NFIA: variants seen among roughly 807,000 people sequenced by gnomAD.
The protein encoded by NFIA is nuclear factor I A.
NFIA carries 8 observed loss-of-function variants against 62.8 expected under a neutral mutation model. The ratio of observed to expected loss-of-function variants is 0.13; its 90% CI spans 0.07 to 0.23. The LOEUF (loss-of-function observed/expected upper bound fraction) is 0.23. Among genes scored for constraint, NFIA ranks in the 10% least tolerant of loss-of-function variants. The probability of loss-of-function intolerance (pLI) is 1.00; values close to 1 mark genes in which losing one functional copy is unlikely to be tolerated. For missense variants in NFIA, 410 were observed against 642.1 expected, an observed-to-expected ratio of 0.64 and a Z score of 3.91; for synonymous variants, 235 against 238.1, an observed-to-expected ratio of 0.99 and a Z score of 0.12.
chr1:61,330,459 A>G (rs1377744700), intron 3 of NFIA, among the ~76,000 whole-genome samples: 1 of 121,996 alleles, frequency 8.2e-6, no homozygotes, highest in Admixed American at 9.5e-5. Context: ...ACACACACAC[A>G]CGCACACATC....
intron 2 of NFIA, among the ~76,000 whole-genome samples, chr1:61,091,133 G>A (rs969237033): frequency 1.3e-5 from 2 of 152,120 alleles, no homozygotes; most frequent in African/African-American, 2.4e-5. Flanking sequence ...CCTATAATGC[G>A]TTTTTTCTCG....
chr1:61,376,540 G>C (rs1479096299), intron 6 of NFIA, among the ~76,000 whole-genome samples: 1 of 152,086 alleles, frequency 6.6e-6, no homozygotes, highest in Non-Finnish European at 1.5e-5. Flanking sequence ...AATCTTAACT[G>C]ATCCTTACTA....
At position 61,387,468 on chromosome 1, in the gene NFIA, C is replaced by CTTTTT. The variant is rs33965994; in HGVS notation, c.1075+4122_1075+4126dup. Reference sequence around the variant, plus strand: ...TCCCCCAGATCAGCTCAAGCACTTTCTTTTTTTTTTTTTTTTTTTTTTTGA... The same window carrying CTTTTT: ...TCCCCCAGATCAGCTCAAGCACTTTCTTTTTTTTTTTTTTTTTTTTTTTTTTTTGA... On this transcript the variant is annotated intron_variant, in intron 7 of 10. Coordinates refer to ENST00000403491, the MANE Select transcript of NFIA (RefSeq NM_001134673.4). Among the ~76,000 whole-genome samples the CTTTTT allele has an allele frequency of 9.0e-3, 857 of 95,278 alleles. 22 individuals are homozygous for CTTTTT. The highest frequency in any genetic ancestry group is 0.027 in the African/African-American group (659 of 24,184). The allele number at this position is 95,278 out of a possible 152,430, so 62.5% of individuals were successfully genotyped here. A position where few individuals can be genotyped will look rare whatever the true frequency, so the allele number is the denominator to read the frequency against.
rs994822782 is a variant in NFIA at position 61,458,646 on chromosome 1, C to G, written c.*3326C>G. On this transcript the variant is annotated 3_prime_UTR_variant, in exon 11 of 11. Coordinates refer to ENST00000403491, the MANE Select transcript of NFIA (RefSeq NM_001134673.4). Reference sequence around the variant, plus strand: ...AATTGCTTTTCTTTCTTTTTACCCCCCCTTTGGGAACTGGATTTAAGTTTA... The same window carrying G: ...AATTGCTTTTCTTTCTTTTTACCCCGCCTTTGGGAACTGGATTTAAGTTTA... 6.6e-6 allele frequency: 1 copy of G among 150,954 alleles called. No individual in the cohort carries two copies. The highest frequency in any genetic ancestry group is 1.9e-4 in the East Asian group (1 of 5,178). The allele number at this position is 150,954 out of a possible 1,614,324, so 9.4% of individuals were successfully genotyped here.
chr1:61,412,371 A>C (rs1666141625), intron 9 of NFIA, among the ~76,000 whole-genome samples: 1 of 152,188 alleles, frequency 6.6e-6, no homozygotes, highest in African/African-American at 2.4e-5. Context: ...GCAATCTTCC[A>C]GGCAAGAGTT....
At chr1:61,081,908 C>T, upstream of NFIA, 1 of 1,547,960 alleles carries the variant, frequency 6.5e-7, no homozygotes, top group Non-Finnish European at 8.7e-7. Context: ...AAAAAAGTTA[C>T]CTAGGAGGTC....
upstream of NFIA, chr1:61,081,954 G>C (rs1305426504): frequency 6.4e-7 from 1 of 1,550,454 alleles, no homozygotes; most frequent in African/African-American, 1.4e-5. Context: ...ATGCAAATGT[G>C]CCGCCCGGCC....
intron 2 of NFIA, among the ~76,000 whole-genome samples, chr1:61,195,147 A>C (rs1213052458): frequency 6.6e-6 from 1 of 152,164 alleles, no homozygotes; most frequent in Non-Finnish European, 1.5e-5. Flanking sequence ...ATTCTTATTT[A>C]TTCGGCAGCA....
chr1:61,138,637 G>A (rs898558152), intron 2 of NFIA, among the ~76,000 whole-genome samples: 2 of 151,804 alleles, frequency 1.3e-5, no homozygotes, highest in East Asian at 4.0e-4. Flanking sequence ...CTGGAGTGCG[G>A]TGGTACAATC....
chr1:61,174,499 CT>C (rs1650190415), intron 2 of NFIA, among the ~76,000 whole-genome samples: 1 of 152,142 alleles, frequency 6.6e-6, no homozygotes. Flanking sequence ...TATACCACAC[CT>C]TTTAGAAGAA....
intron 3 of NFIA, among the ~76,000 whole-genome samples, chr1:61,328,365 C>T (rs1454377595): frequency 1.3e-5 from 2 of 151,826 alleles, no homozygotes; most frequent in Non-Finnish European, 2.9e-5. Flanking sequence ...CAAGACCTGC[C>T]CTGGCCACCC....
chr1:61,451,733 A>G (rs1026157044), intron 10 of NFIA, among the ~76,000 whole-genome samples: 2 of 152,242 alleles, frequency 1.3e-5, no homozygotes, highest in African/African-American at 4.8e-5. Context: ...AAATGTATCA[A>G]GATAACATCA....
At chr1:61,091,094 T>C (rs952083162) in intron 2 of NFIA, among the ~76,000 whole-genome samples, 1 of 152,236 alleles carries the variant, frequency 6.6e-6, no homozygotes, top group Non-Finnish European at 1.5e-5. Flanking sequence ...TGCTTCAAGA[T>C]ACATGCCAAA....
At chr1:61,432,672 T>C (rs1179620928) in intron 10 of NFIA, among the ~76,000 whole-genome samples, 1 of 151,964 alleles carries the variant, frequency 6.6e-6, no homozygotes, top group South Asian at 2.1e-4. Flanking sequence ...TACAGAGATA[T>C]ATATACACAT....
chr1:61,216,846 A>C (rs1653657619), intron 2 of NFIA, among the ~76,000 whole-genome samples: 1 of 151,718 alleles, frequency 6.6e-6, no homozygotes, highest in South Asian at 2.1e-4. Flanking sequence ...CTAAAACTAC[A>C]AAAATTGGCT....
intron 10 of NFIA, among the ~76,000 whole-genome samples, chr1:61,448,892 T>C (rs908207056): frequency 6.6e-6 from 1 of 152,194 alleles, no homozygotes; most frequent in Admixed American, 6.5e-5. Flanking sequence ...ATTCAGACTT[T>C]GGATGAACAG....
At chr1:61,407,214 G>T (rs892783771) in intron 9 of NFIA, among the ~76,000 whole-genome samples, 1 of 152,100 alleles carries the variant, frequency 6.6e-6, no homozygotes, top group Non-Finnish European at 1.5e-5. Context: ...CTGACCATTC[G>T]CTGAGAGTAA....
intron 2 of NFIA, among the ~76,000 whole-genome samples, chr1:61,265,008 G>A (rs77884495): frequency 1.5e-3 from 235 of 152,274 alleles, no homozygotes; most frequent in African/African-American, 5.3e-3. Flanking sequence ...CTACATAAGC[G>A]AATTCACGTG....
In NFIA at chr1:61,406,402, C is replaced by T. The variant is rs115362278; in HGVS notation, c.1255-160C>T. Among the ~76,000 whole-genome samples, 548 of 152,294 alleles carry T rather than the reference C, an allele frequency of 3.6e-3. 4 individuals carry two copies. Among genetic ancestry groups the T allele is most frequent in the African/African-American group, 0.013 (523 of 41,572 alleles). ...CTTAAGAACAGAACCCAACAATGGA[C>T]ATTTCCGTATGGGCTTATGGAAGAA... is the stretch of plus-strand genomic sequence containing the variant. On this transcript the variant is annotated intron_variant, in intron 8 of 10. Transcript: ENST00000403491.
Sources: allele counts gnomAD v4.1 joint callset (sites outside exome capture counted in the v4.1 genomes callset), GRCh38; gene constraint gnomAD v4.1.1; transcripts MANE v1.5; gene names NCBI Gene and HGNC (gene_info 2026-07-23, HGNC 2026-07-21).